The following CSGALNACT1 variants were observed in gnomAD, a reference collection of about 807,000 sequenced individuals.
CSGALNACT1 encodes chondroitin sulfate N-acetylgalactosaminyltransferase 1, also known as beta4GalNAcT-1.
In CSGALNACT1, 52 loss-of-function variants were observed where a neutral mutation model predicts 51.0. That is an observed-to-expected ratio of 1.02 (90% CI 0.82 to 1.29). CSGALNACT1 has a LOEUF of 1.29. Among genes scored for constraint, CSGALNACT1 ranks in the 50% most tolerant of loss-of-function variants. The pLI, the probability that CSGALNACT1 is intolerant of heterozygous loss-of-function variation, is 0.00. For missense variants in CSGALNACT1, 935 were observed against 679.2 expected, an observed-to-expected ratio of 1.38 and a Z score of -4.19; for synonymous variants, 341 against 254.4, an observed-to-expected ratio of 1.34 and a Z score of -3.24.
chr8:19,748,964 C>CAA (rs1377044036), intron 1 of CSGALNACT1, among the ~76,000 whole-genome samples: 1 of 133,244 alleles, frequency 7.5e-6, no homozygotes. Context: ...GACTCCATCT[C>CAA]AAAAAAAAAA....
chr8:19,484,568 C>T (rs986499599), intron 4 of CSGALNACT1, among the ~76,000 whole-genome samples: 1 of 152,172 alleles, frequency 6.6e-6, no homozygotes, highest in Non-Finnish European at 1.5e-5. Flanking sequence ...GGAAACGTTA[C>T]TGGCATTCTC....
chr8:19,574,485 G>C (rs2043717314), intron 3 of CSGALNACT1, among the ~76,000 whole-genome samples: 1 of 152,178 alleles, frequency 6.6e-6, no homozygotes, highest in Non-Finnish European at 1.5e-5. Context: ...TATCATGCAG[G>C]AACAATAAAT....
At chr8:19,478,351 T>C (rs1448728618) in intron 4 of CSGALNACT1, among the ~76,000 whole-genome samples, 2 of 144,292 alleles carry the variant, frequency 1.4e-5, no homozygotes, top group Non-Finnish European at 3.0e-5. Flanking sequence ...GAGGCGGAGC[T>C]TGCAGTGAGC....
chr8:19,635,058 T>C (rs2055844580), intron 1 of CSGALNACT1, among the ~76,000 whole-genome samples: 1 of 152,262 alleles, frequency 6.6e-6, no homozygotes, highest in South Asian at 2.1e-4. Flanking sequence ...AGCAAATTTC[T>C]AAATGATTGT....
intron 3 of CSGALNACT1, among the ~76,000 whole-genome samples, chr8:19,543,150 A>G (rs1431964236): frequency 6.6e-6 from 1 of 152,238 alleles, no homozygotes; most frequent in East Asian, 1.9e-4. Flanking sequence ...TATTATATAC[A>G]GAATCCCCAG....
intron 1 of CSGALNACT1, among the ~76,000 whole-genome samples, chr8:19,622,756 G>A (rs1479494106): frequency 6.6e-6 from 1 of 151,954 alleles, no homozygotes; most frequent in Non-Finnish European, 1.5e-5. Flanking sequence ...TAATAAAGAG[G>A]GGGGAAATAA....
chr8:19,681,974 G>C (rs2060653343), intron 1 of CSGALNACT1, among the ~76,000 whole-genome samples: 1 of 152,218 alleles, frequency 6.6e-6, no homozygotes, highest in African/African-American at 2.4e-5. Flanking sequence ...CACTTCACCA[G>C]TTTGCATAAG....
intron 6 of CSGALNACT1, among the ~76,000 whole-genome samples, chr8:19,431,223 G>T (rs1355089515): frequency 6.6e-6 from 1 of 152,078 alleles, no homozygotes; most frequent in Non-Finnish European, 1.5e-5. Context: ...AGTGAAAGCA[G>T]ACACCTTTGT....
intron 3 of CSGALNACT1, among the ~76,000 whole-genome samples, chr8:19,564,934 G>A (rs1015989307): frequency 6.6e-6 from 1 of 152,180 alleles, no homozygotes; most frequent in Admixed American, 6.5e-5. Flanking sequence ...TAGAATAAAT[G>A]AGTGACAAGT....
intron 1 of CSGALNACT1, among the ~76,000 whole-genome samples, chr8:19,636,835 C>G (rs1331064497): frequency 6.6e-6 from 1 of 152,122 alleles, no homozygotes; most frequent in African/African-American, 2.4e-5. Flanking sequence ...CAATCAAAAT[C>G]CTTGAGACAA....
At chr8:19,482,451 A>G (rs762358560) in intron 4 of CSGALNACT1, among the ~76,000 whole-genome samples, 28 of 152,028 alleles carry the variant, frequency 1.8e-4, no homozygotes, top group East Asian at 1.9e-4. Context: ...TCTCTCCCCA[A>G]TCCAGGCCAG....
intron 3 of CSGALNACT1, among the ~76,000 whole-genome samples, chr8:19,554,137 A>G (rs28639862): frequency 0.5 from 75,601 of 151,834 alleles, 20,144 homozygotes; most frequent in African/African-American, 0.71. Flanking sequence ...AACATAATAC[A>G]GGGAAATTTC....
At chr8:19,665,805 AC>A (rs2059133432) in intron 1 of CSGALNACT1, among the ~76,000 whole-genome samples, 1 of 152,226 alleles carries the variant, frequency 6.6e-6, no homozygotes, top group Non-Finnish European at 1.5e-5. Context: ...ATAATGAATA[AC>A]TAAAAATGTG....
intron 4 of CSGALNACT1, among the ~76,000 whole-genome samples, chr8:19,475,556 GAAACACAGACAC>G (rs1435515550): frequency 6.6e-6 from 1 of 152,048 alleles, no homozygotes; most frequent in African/African-American, 2.4e-5. Flanking sequence ...CACAACCTTG[GAAACACAGACAC>G]AAACACAGAC....
chr8:19,409,994 G>GAT (rs1371667130), intron 8 of CSGALNACT1, among the ~76,000 whole-genome samples: 1 of 152,048 alleles, frequency 6.6e-6, no homozygotes, highest in Non-Finnish European at 1.5e-5. Flanking sequence ...AATTATATTT[G>GAT]ATAAATGGCT....
chr8:19,505,227 G>A, exon 4 of CSGALNACT1: 1 of 1,614,164 alleles, frequency 6.2e-7, no homozygotes, highest in East Asian at 2.2e-5. Context: ...GGCCGTGTAA[G>A]GACGGTGATT....
chr8:19,515,185 T>A (rs1464454467), intron 3 of CSGALNACT1, among the ~76,000 whole-genome samples: 1 of 150,856 alleles, frequency 6.6e-6, no homozygotes, highest in African/African-American at 2.4e-5. Context: ...TCAGGCCATG[T>A]CCTTTCCTGC....
upstream of CSGALNACT1, chr8:19,682,984 G>T: frequency 3.5e-6 from 1 of 285,162 alleles, no homozygotes; most frequent in Non-Finnish European, 7.1e-6. Context: ...CCAAAGAGCA[G>T]GTAGAACGAG....
At chr8:19,534,759 G>A (rs530126968) in intron 3 of CSGALNACT1, among the ~76,000 whole-genome samples, 78 of 152,318 alleles carry the variant, frequency 5.1e-4, no homozygotes, top group Admixed American at 1.9e-3. Context: ...TTAAAGAGGC[G>A]TAAAAATGCC....
Sources: allele counts gnomAD v4.1 joint callset (sites outside exome capture counted in the v4.1 genomes callset), GRCh38; gene constraint gnomAD v4.1.1; transcripts MANE v1.5; gene names NCBI Gene and HGNC (gene_info 2026-07-23, HGNC 2026-07-21).